The following DNAJA4 variants were observed in gnomAD, a reference collection of about 807,000 sequenced individuals.
DNAJA4 encodes dnaJ homolog subfamily A member 4.
A neutral mutation model predicts 39.7 loss-of-function variants in DNAJA4; 32 were observed. That is an observed-to-expected ratio of 0.81 (90% confidence interval 0.61 to 1.08). DNAJA4 has a LOEUF of 1.08. DNAJA4 is among the 50% of genes least tolerant of loss of function. The probability of loss-of-function intolerance (pLI) is 0.00; values close to 1 mark genes in which losing one functional copy is unlikely to be tolerated. For missense variants in DNAJA4, 439 were observed against 505.1 expected (o/e 0.87, Z 1.25); for synonymous variants, 184 against 182.4 (o/e 1.01, Z -0.07).
chr15:78,267,105 G>A (rs1030960259), intron 1 of DNAJA4, among the ~76,000 whole-genome samples: 1 of 146,850 alleles, frequency 6.8e-6, no homozygotes, highest in African/African-American at 2.5e-5. Context: ...CTGTGTGCTG[G>A]GTGCACTGTG....
At position 78,281,403 on chromosome 15, in the gene DNAJA4, G is replaced by C. The variant is rs3743082; in HGVS notation, c.*943G>C. On this transcript the variant is annotated 3_prime_UTR_variant, in exon 7 of 7. Coordinates refer to ENST00000394852, the MANE Select transcript of DNAJA4 (RefSeq NM_001130182.2). ...GTCTGCAAAGGCATAGAACTCCCCA[G>C]TGTTTTCCACCTCATTCTCCCAGAT... The C allele has an allele frequency of 0.16, 24,992 of 152,286 alleles. 2,368 individuals carry two copies. Among genetic ancestry groups the C allele is most frequent in the Non-Finnish European group, 0.21 (14,357 of 67,992 alleles). 9.4% of individuals were successfully genotyped at this position (152,286 alleles called of 1,614,324 possible). A position where few individuals can be genotyped will look rare whatever the true frequency, so the allele number is the denominator to read the frequency against.
In DNAJA4 at chr15:78,280,373, C is replaced by T. The variant is rs777630148; in HGVS notation, c.1107C>T (p.Pro369=). 1.2e-6 allele frequency: 2 copies of T among 1,614,154 alleles called. No homozygotes were observed. Among genetic ancestry groups the T allele is most frequent in the Non-Finnish European group, 1.7e-6 (2 of 1,180,034 alleles). Residue 369 remains proline (P), a synonymous_variant, in exon 7 of 7, where the codon CCC becomes CCT. Transcript: ENST00000394852. The part of the protein sequence containing the change: ...MDQVELKEFC[P]NEQNWRQHRE... Reference sequence around the variant, plus strand: ...AGGTGGAGCTGAAGGAGTTTTGTCCCAATGAGCAGAACTGGCGTCAGCACA... The same window carrying T: ...AGGTGGAGCTGAAGGAGTTTTGTCCTAATGAGCAGAACTGGCGTCAGCACA...
chr15:78,278,993 AT>A (rs2049570650), intron 5 of DNAJA4: 1 of 152,134 alleles, frequency 6.6e-6, no homozygotes, highest in Non-Finnish European at 1.5e-5. Context: ...AAAAAAAAGA[AT>A]AAACAGGAAC....
chr15:78,267,055 C>T (rs531575477), intron 1 of DNAJA4, among the ~76,000 whole-genome samples: 261 of 152,230 alleles, frequency 1.7e-3, no homozygotes, highest in Non-Finnish European at 3.2e-3. Flanking sequence ...TTCATTCATT[C>T]ATTCATTCAT....
chr15:78,276,110 G>A (rs1372543143), intron 5 of DNAJA4, among the ~76,000 whole-genome samples: 2 of 152,090 alleles, frequency 1.3e-5, no homozygotes, highest in African/African-American at 4.8e-5. Flanking sequence ...GAATCTTGGG[G>A]CTCTGAATTT....
At chr15:78,277,072 T>C (rs1001947651) in intron 5 of DNAJA4, among the ~76,000 whole-genome samples, 1 of 152,276 alleles carries the variant, frequency 6.6e-6, no homozygotes, top group African/African-American at 2.4e-5. Context: ...TACAAGAAGT[T>C]GTAAATATAA....
intron 3 of DNAJA4, among the ~76,000 whole-genome samples, chr15:78,273,475 G>C (rs1028848601): frequency 9.9e-5 from 15 of 152,154 alleles, no homozygotes; most frequent in Admixed American, 5.9e-4. Flanking sequence ...TGTGCACAAC[G>C]TGCAGGTTTG....
chr15:78,264,718 C>T lies in DNAJA4; in HGVS notation c.-46C>T. On this transcript the variant is annotated 5_prime_UTR_variant, in exon 1 of 7. Transcript: ENST00000394852. ...CGGGCCAGGGTGCCGGCAGGGGCGT[C>T]CGGGGCGCTCTGACCGGCCTCGCCC... 7.1e-7 allele frequency: 1 copy of T among 1,399,040 alleles called. No homozygotes were observed. Among genetic ancestry groups the T allele is most frequent in the Non-Finnish European group, 9.4e-7 (1 of 1,063,016 alleles). 86.7% of individuals were successfully genotyped at this position (1,399,040 alleles called of 1,614,324 possible). A position where few individuals can be genotyped will look rare whatever the true frequency, so the allele number is the denominator to read the frequency against.
intron 1 of DNAJA4, among the ~76,000 whole-genome samples, chr15:78,266,555 C>A (rs1348523815): frequency 1.3e-5 from 2 of 152,178 alleles, no homozygotes; most frequent in Non-Finnish European, 2.9e-5. Context: ...GTGATGTGCC[C>A]ATTGCCAGGA....
chr15:78,264,411 G>A (rs1271951690), upstream of DNAJA4: 17 of 1,369,876 alleles, frequency 1.2e-5, no homozygotes, highest in Non-Finnish European at 7.5e-6. Flanking sequence ...GCTGGGCCGC[G>A]CCGGACGGGC....
At chr15:78,270,993 AG>A (rs774183482) in intron 2 of DNAJA4, among the ~76,000 whole-genome samples, 4 of 152,198 alleles carry the variant, frequency 2.6e-5, no homozygotes, top group Non-Finnish European at 5.9e-5. Context: ...ACTTGAGCCC[AG>A]GAAGTCGAGG....
chr15:78,264,917 G>C (rs2049078266), intron 1 of DNAJA4, 22 bp downstream of exon 1: 3 of 1,569,454 alleles, frequency 1.9e-6, no homozygotes, highest in Non-Finnish European at 2.6e-6. Flanking sequence ...CGCGGGGCAC[G>C]GGCCGGGCTC....
In DNAJA4 at chr15:78,273,336, T is replaced by C. The variant is rs769557426; in HGVS notation, c.418+137T>C. On this transcript the variant is annotated intron_variant, in intron 3 of 6. Coordinates refer to ENST00000394852, the MANE Select transcript of DNAJA4 (RefSeq NM_001130182.2). Reference sequence around the variant, plus strand: ...AAGCAGAGATTACAAACAGGTGGCCTGAGGGCCACACTTCTTTGCCTGAAT... The same window carrying C: ...AAGCAGAGATTACAAACAGGTGGCCCGAGGGCCACACTTCTTTGCCTGAAT... 311 of 630,752 alleles carry C rather than the reference T, an allele frequency of 4.9e-4. 2 individuals are homozygous for C. The highest frequency in any genetic ancestry group is 3.5e-3 in the Middle Eastern group (9 of 2,600). The allele number at this position is 630,752 out of a possible 1,614,324, so 39.1% of individuals were successfully genotyped here.
chr15:78,273,680 T>C (rs1799887201), intron 3 of DNAJA4, among the ~76,000 whole-genome samples: 1 of 152,226 alleles, frequency 6.6e-6, no homozygotes. Flanking sequence ...AAGCTTTATT[T>C]ACAAAACCAA....
At chr15:78,264,349 G>A (rs1045363009), upstream of DNAJA4, 6 of 1,448,700 alleles carry the variant, frequency 4.1e-6, no homozygotes, top group Admixed American at 2.7e-5. Flanking sequence ...GGAGCTCCGG[G>A]GAATCAGACG....
chr15:78,264,271 G>A (rs2049052749), upstream of DNAJA4: 8 of 1,319,748 alleles, frequency 6.1e-6, no homozygotes, highest in South Asian at 1.7e-5. Context: ...ACAGTTGTCG[G>A]AGGGCGCCCT....
intron 2 of DNAJA4, among the ~76,000 whole-genome samples, chr15:78,271,193 C>A (rs147746998): frequency 2.0e-5 from 3 of 152,222 alleles, no homozygotes; most frequent in African/African-American, 7.2e-5. Flanking sequence ...CTGACACCCT[C>A]CAATACCATA....
intron 3 of DNAJA4, among the ~76,000 whole-genome samples, chr15:78,273,542 A>T (rs1367482151): frequency 6.6e-6 from 1 of 152,252 alleles, no homozygotes; most frequent in South Asian, 2.1e-4. Context: ...ACTTGACCTC[A>T]TCTAGGGGTT....
chr15:78,272,980 C>A, intron 2 of DNAJA4, 115 bp from the exon 3 acceptor site: 1 of 700,218 alleles, frequency 1.4e-6, no homozygotes, highest in Non-Finnish European at 2.5e-6. Flanking sequence ...AGCGCATGAC[C>A]CAGCCACAGT....
Sources: allele counts gnomAD v4.1 joint callset (sites outside exome capture counted in the v4.1 genomes callset), GRCh38; gene constraint gnomAD v4.1.1; transcripts MANE v1.5; gene names NCBI Gene and HGNC (gene_info 2026-07-23, HGNC 2026-07-21).